The following GLB1 variants were observed in gnomAD, a reference collection of about 807,000 sequenced individuals.
The protein encoded by GLB1 is beta-galactosidase.
A neutral mutation model predicts 74.0 loss-of-function variants in GLB1; 56 were observed. The ratio of observed to expected loss-of-function variants is 0.76; its 90% CI spans 0.61 to 0.94. GLB1 has a LOEUF of 0.94. Ranked by LOEUF, GLB1 falls within the 40% of genes least tolerant of loss-of-function variation. The probability of loss-of-function intolerance (pLI) is 0.00; values close to 1 mark genes in which losing one functional copy is unlikely to be tolerated. For missense variants in GLB1, 787 were observed against 845.5 expected, an observed-to-expected ratio of 0.93 and a Z score of 0.86; for synonymous variants, 323 against 323.6, an observed-to-expected ratio of 1.00 and a Z score of 0.02.
intron 15 of GLB1, among the ~76,000 whole-genome samples, chr3:33,009,925 T>A (rs1696952290): frequency 6.6e-6 from 1 of 152,270 alleles, no homozygotes; most frequent in Non-Finnish European, 1.5e-5. Context: ...TCATCTGGAT[T>A]GTGGCATGTT....
At chr3:33,021,390 C>A in intron 12 of GLB1, 176 bp downstream of exon 12, 1 of 728,236 alleles carries the variant, frequency 1.4e-6, no homozygotes. Context: ...ATGATCAGCC[C>A]ACCACGCAGC....
chr3:33,082,359 G>A (rs1489432853), intron 1 of GLB1, among the ~76,000 whole-genome samples: 1 of 152,162 alleles, frequency 6.6e-6, no homozygotes, highest in Non-Finnish European at 1.5e-5. Flanking sequence ...GAGCCATCAT[G>A]GATCAAGTGG....
Position 33,093,635 on chromosome 3 carries a change from G to A in GLB1, c.75+3376C>T, listed in dbSNP as rs748414562. The A allele has an allele frequency of 1.2e-6, 2 of 1,614,152 alleles. No homozygotes were observed. The highest frequency in any genetic ancestry group is 8.5e-7 in the Non-Finnish European group (1 of 1,180,032). ...GCACCTCCACAGTTTTCACAGCCGG[G>A]GGCTGCGCGGCATTCAGAATCCCGG... On this transcript the variant is annotated intron_variant, in intron 1 of 15. Transcript: ENST00000307363. This position sits in a 1 kb window ranked among gnomAD's most constrained non-coding sequence, Gnocchi z 6.0.
chr3:33,010,404 C>T (rs1287276803), intron 15 of GLB1, among the ~76,000 whole-genome samples: 2 of 152,152 alleles, frequency 1.3e-5, no homozygotes, highest in East Asian at 3.9e-4. Context: ...AGAAGGTATA[C>T]AAATGCAAAT....
chr3:32,985,867 T>G, the GLB1 span, among the ~76,000 whole-genome samples: 2 of 152,042 alleles, frequency 1.3e-5, no homozygotes, highest in Admixed American at 1.3e-4. Context: ...TGCAACACCA[T>G]GTCTGGCTAA....
At chr3:32,978,302 G>A in the GLB1 span, among the ~76,000 whole-genome samples, 1 of 152,056 alleles carries the variant, frequency 6.6e-6, no homozygotes, top group Non-Finnish European at 1.5e-5. Context: ...AGATAAAAGA[G>A]TTAGGAGACA....
intron 10 of GLB1, among the ~76,000 whole-genome samples, chr3:33,043,223 C>G (rs11712996): frequency 7.3e-5 from 11 of 151,660 alleles, no homozygotes; most frequent in Admixed American, 1.3e-4. Context: ...TGCCTAAAAA[C>G]GAGCAAAATG....
At chr3:33,081,713 A>G (rs1700329893) in intron 1 of GLB1, among the ~76,000 whole-genome samples, 1 of 152,246 alleles carries the variant, frequency 6.6e-6, no homozygotes, top group Non-Finnish European at 1.5e-5. Flanking sequence ...GCAGGAAGGC[A>G]CAATTACCAC....
chr3:32,988,592 C>T, the GLB1 span, among the ~76,000 whole-genome samples: 2 of 152,194 alleles, frequency 1.3e-5, no homozygotes, highest in African/African-American at 2.4e-5. Flanking sequence ...GGAAAGAAAA[C>T]CAGACAGTTA....
chr3:33,091,915 G>T (rs1700779939), intron 1 of GLB1: 1 of 985,306 alleles, frequency 1.0e-6, no homozygotes. Flanking sequence ...AAGGGCAAAA[G>T]CACCGCTTTT....
chr3:33,063,251 A>G (rs184128212), intron 5 of GLB1, among the ~76,000 whole-genome samples: 1,466 of 88,030 alleles, frequency 0.017, 33 homozygotes, highest in African/African-American at 0.054. Context: ...AAGAAAGCAG[A>G]AAAAAAAGGC....
chr3:32,998,487 G>T (rs114130292), intron 15 of GLB1, among the ~76,000 whole-genome samples: 1 of 150,156 alleles, frequency 6.7e-6, no homozygotes, highest in Non-Finnish European at 1.5e-5. Context: ...CTAGCCTTGC[G>T]CAGTGACAGA....
chr3:33,016,980 CT>C, intron 13 of GLB1, 140 bp from the exon 14 acceptor site: 1 of 1,410,056 alleles, frequency 7.1e-7, no homozygotes, highest in Non-Finnish European at 9.5e-7. Context: ...TTGATAGCAT[CT>C]TAGCCCAAGT....
chr3:33,047,527 C>T (rs895898667), intron 9 of GLB1, among the ~76,000 whole-genome samples: 3 of 152,214 alleles, frequency 2.0e-5, no homozygotes, highest in Non-Finnish European at 4.4e-5. Context: ...GTGCCTTCCT[C>T]CTCTACTTCA....
intron 10 of GLB1, among the ~76,000 whole-genome samples, chr3:33,041,572 G>A (rs1448809052): frequency 6.6e-6 from 1 of 150,774 alleles, no homozygotes; most frequent in East Asian, 1.9e-4. Flanking sequence ...TGAGGCAGGA[G>A]AATCGCTTGA....
intron 11 of GLB1, among the ~76,000 whole-genome samples, chr3:33,023,440 T>C (rs535831234): frequency 6.6e-6 from 1 of 152,310 alleles, no homozygotes; most frequent in East Asian, 1.9e-4. Flanking sequence ...CAACCAACCA[T>C]GTCAAAGGGC....
intron 1 of GLB1, among the ~76,000 whole-genome samples, chr3:33,074,059 G>A (rs1389312688): frequency 6.6e-6 from 1 of 150,484 alleles, no homozygotes; most frequent in South Asian, 2.1e-4. Context: ...GAAAATAGAG[G>A]CTGGGTGCGG....
chr3:32,987,076 C>G, the GLB1 span, among the ~76,000 whole-genome samples: 3 of 152,148 alleles, frequency 2.0e-5, no homozygotes, highest in Non-Finnish European at 4.4e-5. Flanking sequence ...CACAGATGCC[C>G]TCTTCTCTTT....
the GLB1 span, among the ~76,000 whole-genome samples, chr3:32,965,143 G>C: frequency 6.6e-6 from 1 of 152,180 alleles, no homozygotes; most frequent in Non-Finnish European, 1.5e-5. Flanking sequence ...ATTGGTACCA[G>C]GTAGTGGAGC....
Sources: allele counts gnomAD v4.1 joint callset (sites outside exome capture counted in the v4.1 genomes callset), GRCh38; gene constraint gnomAD v4.1.1; non-coding constraint Gnocchi (gnomAD v3.1); transcripts MANE v1.5; gene names NCBI Gene and HGNC (gene_info 2026-07-23, HGNC 2026-07-21).